The following MAN1C1 variants were observed in gnomAD, a reference collection of about 807,000 sequenced individuals.
MAN1C1 encodes the protein mannosyl-oligosaccharide 1,2-alpha-mannosidase IC.
In MAN1C1, 49 loss-of-function variants were observed where a neutral mutation model predicts 71.5. The observed-to-expected ratio is 0.69, with a 90% CI of 0.54 to 0.87. MAN1C1 has a LOEUF of 0.87. Ranked by LOEUF, MAN1C1 falls within the 40% of genes least tolerant of loss-of-function variation. The pLI is 0.00. For synonymous variants in MAN1C1, 352 were observed against 343.7 expected, an observed-to-expected ratio of 1.02 and a Z score of -0.27; for missense variants, 743 against 835.0, an observed-to-expected ratio of 0.89 and a Z score of 1.36.
intron 1 of MAN1C1, among the ~76,000 whole-genome samples, chr1:25,657,934 C>T (rs142748479): frequency 1.3e-5 from 2 of 152,180 alleles, no homozygotes; most frequent in Non-Finnish European, 2.9e-5. Flanking sequence ...GATGGACACA[C>T]ACACAGCGTG....
intron 1 of MAN1C1, among the ~76,000 whole-genome samples, chr1:25,626,095 T>C (rs1179421861): frequency 2.0e-5 from 3 of 152,230 alleles, no homozygotes; most frequent in African/African-American, 7.2e-5. Flanking sequence ...TTTCATTTCT[T>C]CTGTATAACT....
intron 2 of MAN1C1, among the ~76,000 whole-genome samples, chr1:25,704,489 C>T (rs532154157): frequency 2.0e-4 from 30 of 152,346 alleles, no homozygotes; most frequent in South Asian, 1.0e-3. Flanking sequence ...CACTTGGCAG[C>T]GTGGCTTTGG....
rs2047517747 is a variant in MAN1C1 at position 25,769,534 on chromosome 1, A to G, written c.1142-2123A>G. On this transcript the variant is annotated intron_variant, in intron 7 of 11. Coordinates refer to ENST00000374332, the MANE Select transcript of MAN1C1 (RefSeq NM_020379.4). This position sits in a 1 kb window ranked among gnomAD's most constrained non-coding sequence, Gnocchi z 4.8. ...CTCCCCTGCGTGCCCCTCCAGAGGAAGCCTGGACCTTGTCACGCACACACT... is the reference window on the plus strand; with the variant it reads ...CTCCCCTGCGTGCCCCTCCAGAGGAGGCCTGGACCTTGTCACGCACACACT... Among the ~76,000 whole-genome samples the G allele has an allele frequency of 6.6e-6, 1 of 152,122 alleles. No individual in the cohort carries two copies. Among genetic ancestry groups the G allele is most frequent in the African/African-American group, 2.4e-5 (1 of 41,420 alleles).
chr1:25,675,209 T>C (rs2046047355), intron 1 of MAN1C1, among the ~76,000 whole-genome samples: 1 of 152,184 alleles, frequency 6.6e-6, no homozygotes, highest in African/African-American at 2.4e-5. Context: ...GTACCCAATA[T>C]GTAGACTTTT....
chr1:25,752,532 ATTG>A (rs2047230934), intron 4 of MAN1C1, among the ~76,000 whole-genome samples: 3 of 152,164 alleles, frequency 2.0e-5, no homozygotes, highest in South Asian at 2.1e-4. Flanking sequence ...CCACTTTCCT[ATTG>A]TTTGATATTT....
At chr1:25,618,392 G>T in intron 1 of MAN1C1, 55 bp downstream of exon 1, 4 of 1,519,274 alleles carry the variant, frequency 2.6e-6, no homozygotes, top group Non-Finnish European at 3.5e-6. Flanking sequence ...AAGGAGAGAA[G>T]ACCCTCTGGC....
intron 8 of MAN1C1, among the ~76,000 whole-genome samples, chr1:25,777,187 C>G (rs2047629716): frequency 6.6e-6 from 1 of 152,140 alleles, no homozygotes; most frequent in Non-Finnish European, 1.5e-5. Flanking sequence ...TTGCAGAGTA[C>G]AGAGACCCCC....
In MAN1C1 at chr1:25,707,712, C is replaced by G. The variant is rs148703713; in HGVS notation, c.637+21176C>G. On this transcript the variant is annotated intron_variant, in intron 2 of 11. Coordinates refer to ENST00000374332, the MANE Select transcript of MAN1C1 (RefSeq NM_020379.4). ...CAGAAATCCAAGTAGTGGATTAGGC[C>G]CTGGAGATTTCAGAGATAAACCCGA... Among the ~76,000 whole-genome samples the G allele has an allele frequency of 2.4e-3, 362 of 152,258 alleles. 2 individuals are homozygous for G. The highest frequency in any genetic ancestry group is 8.4e-3 in the African/African-American group (347 of 41,518).
intron 9 of MAN1C1, among the ~76,000 whole-genome samples, chr1:25,780,233 GC>G (rs1393202923): frequency 6.6e-6 from 1 of 152,168 alleles, no homozygotes; most frequent in Non-Finnish European, 1.5e-5. Context: ...ATAAATAGTG[GC>G]TACAGAGGTG....
At chr1:25,620,422 G>C (rs1350118685) in intron 1 of MAN1C1, among the ~76,000 whole-genome samples, 1 of 150,002 alleles carries the variant, frequency 6.7e-6, no homozygotes, top group Admixed American at 6.6e-5. Context: ...CACTGACCAC[G>C]CTCTCACGAC....
At position 25,724,522 on chromosome 1, in the gene MAN1C1, T is replaced by C. The variant is rs17163161; in HGVS notation, c.638-22146T>C. Reference sequence around the variant, plus strand: ...AAAGCAAGCAGAAACATGCAAGTGCTTTTTCAAGCCTCTGCGTGTGTCACA... The same window carrying C: ...AAAGCAAGCAGAAACATGCAAGTGCCTTTTCAAGCCTCTGCGTGTGTCACA... On this transcript the variant is annotated intron_variant, in intron 2 of 11. Transcript: ENST00000374332. 4.3e-3 allele frequency among the ~76,000 whole-genome samples: 656 copies of C among 152,316 alleles called. 4 individuals are homozygous for C. Among genetic ancestry groups the C allele is most frequent in the African/African-American group, 0.015 (628 of 41,562 alleles).
intron 2 of MAN1C1, among the ~76,000 whole-genome samples, chr1:25,726,785 A>T (rs2046837501): frequency 6.6e-6 from 1 of 151,722 alleles, no homozygotes; most frequent in Non-Finnish European, 1.5e-5. Flanking sequence ...GCCAGGCATG[A>T]TGGCTCACGT....
rs928867003 is a variant in MAN1C1 at position 25,631,168 on chromosome 1, A to G, written c.540+12831A>G. 1.3e-4 allele frequency among the ~76,000 whole-genome samples: 19 copies of G among 151,968 alleles called. No homozygotes were observed. Among genetic ancestry groups the G allele is most frequent in the African/African-American group, 3.6e-4 (15 of 41,366 alleles). ...TTTTTAGAAGAGACGGGGTTTTGCC[A>G]TGTTGCCCAGGCTGGTCTCAAACTC... On this transcript the variant is annotated intron_variant, in intron 1 of 11. Coordinates refer to ENST00000374332, the MANE Select transcript of MAN1C1 (RefSeq NM_020379.4). The surrounding 1 kb of genome is among the most constrained non-coding windows in gnomAD (Gnocchi z 4.2).
chr1:25,708,699 A>G (rs1489015231), intron 2 of MAN1C1, among the ~76,000 whole-genome samples: 2 of 152,226 alleles, frequency 1.3e-5, no homozygotes, highest in African/African-American at 2.4e-5. Flanking sequence ...AGCCTGGGCA[A>G]CGTGGAGAAA....
intron 1 of MAN1C1, among the ~76,000 whole-genome samples, chr1:25,685,041 G>A (rs566769329): frequency 6.6e-5 from 10 of 152,230 alleles, no homozygotes; most frequent in Admixed American, 3.3e-4. Context: ...TAAGAGACTG[G>A]ATGAAAGGAG....
chr1:25,719,462 G>A (rs1284978059), intron 2 of MAN1C1, among the ~76,000 whole-genome samples: 2 of 150,146 alleles, frequency 1.3e-5, no homozygotes, highest in African/African-American at 2.5e-5. Context: ...GGGTCTCTCT[G>A]TGCTCAGGCT....
chr1:25,649,449 G>A (rs2045659722), intron 1 of MAN1C1, among the ~76,000 whole-genome samples: 1 of 152,200 alleles, frequency 6.6e-6, no homozygotes, highest in South Asian at 2.1e-4. Context: ...TCAGGCTCAG[G>A]TTGATCCTCA....
At chr1:25,646,604 C>G (rs1279614787) in intron 1 of MAN1C1, among the ~76,000 whole-genome samples, 2 of 152,174 alleles carry the variant, frequency 1.3e-5, no homozygotes, top group Non-Finnish European at 2.9e-5. Context: ...CACTCCAGAC[C>G]CACTACCCCC....
chr1:25,782,465 A>G lies in MAN1C1; in HGVS notation c.1651-120A>G. On this transcript the variant is annotated intron_variant, in intron 10 of 11. Transcript: ENST00000374332. This position sits in a 1 kb window ranked among gnomAD's most constrained non-coding sequence, Gnocchi z 4.4. ...CCACAAATGCCAGGAGTCCCCAGCC[A>G]AGGGGTGGGGGTGCTGTCTGCTTTC... 1.6e-6 allele frequency: 1 copy of G among 643,026 alleles called. No homozygotes were observed. The highest frequency in any genetic ancestry group is 2.8e-6 in the Non-Finnish European group (1 of 358,334). 39.8% of individuals were successfully genotyped at this position (643,026 alleles called of 1,614,324 possible).
Sources: gnomAD v4.1 joint callset for allele counts (sites outside exome capture counted in the v4.1 genomes callset) on GRCh38, gnomAD v4.1.1 for gene constraint, Gnocchi (gnomAD v3.1) non-coding constraint, MANE v1.5 for transcripts, NCBI Gene and HGNC (gene_info 2026-07-23, HGNC 2026-07-21) for gene names.